Variants in NCEH1 observed in about 807,000 individuals in gnomAD.
NCEH1 encodes the protein 2-acetyl MAGE hydrolase.
In NCEH1, 9 loss-of-function variants were observed where a neutral mutation model predicts 25.4. That is an observed-to-expected ratio of 0.35 (90% CI 0.21 to 0.62). The LOEUF (loss-of-function observed/expected upper bound fraction) is 0.62. Ranked by LOEUF, NCEH1 falls within the 20% of genes least tolerant of loss-of-function variation. NCEH1 has a pLI of 0.72. For missense variants in NCEH1, 412 were observed against 501.1 expected (o/e 0.82, Z 1.70); for synonymous variants, 200 against 199.8 (o/e 1.00, Z -0.01).
intron 1 of NCEH1, among the ~76,000 whole-genome samples, chr3:172,681,650 G>A (rs1306993256): frequency 6.6e-6 from 1 of 151,398 alleles, no homozygotes; most frequent in African/African-American, 2.4e-5. Context: ...AACACTGTGG[G>A]AGGCCAAGGC....
chr3:172,657,456 C>A (rs1385796474), intron 1 of NCEH1, among the ~76,000 whole-genome samples: 5 of 152,118 alleles, frequency 3.3e-5, no homozygotes, highest in African/African-American at 1.2e-4. Flanking sequence ...ACATGATTTC[C>A]AATCACCTCA....
chr3:172,694,826 G>C (rs1214700148), intron 1 of NCEH1, among the ~76,000 whole-genome samples: 1 of 152,178 alleles, frequency 6.6e-6, no homozygotes, highest in Non-Finnish European at 1.5e-5. Flanking sequence ...CTTCTTGGCA[G>C]CTCTAACACT....
intron 1 of NCEH1, among the ~76,000 whole-genome samples, chr3:172,663,087 T>C (rs1005047518): frequency 4.6e-5 from 7 of 152,358 alleles, no homozygotes; most frequent in African/African-American, 1.7e-4. Flanking sequence ...CTGCTTTCTC[T>C]TGTGGGCATT....
intron 1 of NCEH1, among the ~76,000 whole-genome samples, chr3:172,675,313 A>AT (rs200007541): frequency 0.078 from 11,603 of 147,918 alleles, 547 homozygotes; most frequent in African/African-American, 0.095. Context: ...AAATAAATAA[A>AT]TAAATAAATA....
intron 1 of NCEH1, among the ~76,000 whole-genome samples, chr3:172,709,989 C>T (rs1413760739): frequency 1.3e-5 from 2 of 152,090 alleles, no homozygotes; most frequent in African/African-American, 2.4e-5. Context: ...TTCTCTGACA[C>T]TAAAAATAAT....
At chr3:172,671,069 T>C (rs1447489844) in intron 1 of NCEH1, among the ~76,000 whole-genome samples, 1 of 152,108 alleles carries the variant, frequency 6.6e-6, no homozygotes, top group Non-Finnish European at 1.5e-5. Flanking sequence ...CTTTGTCCAG[T>C]GGCAACATGA....
At chr3:172,680,411 A>C (rs564507627) in intron 1 of NCEH1, among the ~76,000 whole-genome samples, 27 of 151,180 alleles carry the variant, frequency 1.8e-4, no homozygotes, top group African/African-American at 6.6e-4. Flanking sequence ...CCTACTACTC[A>C]CTTCTGGACA....
Position 172,640,865 on chromosome 3 carries a change from C to T in NCEH1, c.437+4758G>A, listed in dbSNP as rs1336215036. Among the ~76,000 whole-genome samples the T allele has an allele frequency of 9.5e-4, 145 of 152,088 alleles. 6 individuals are homozygous for T. Among genetic ancestry groups the T allele is most frequent in the Admixed American group, 9.4e-3 (144 of 15,268 alleles). On this transcript the variant is annotated intron_variant, in intron 3 of 4. Coordinates refer to ENST00000475381, the MANE Select transcript of NCEH1 (RefSeq NM_020792.6). The stretch of plus-strand genomic sequence containing the variant: ...CACCCAGGCTTGAGTGCAGTGACAC[C>T]ATCATAACTCACTGCAGCCTCAAAT...
intron 3 of NCEH1, among the ~76,000 whole-genome samples, chr3:172,637,979 G>A (rs934424568): frequency 6.6e-6 from 1 of 152,124 alleles, no homozygotes; most frequent in African/African-American, 2.4e-5. Context: ...CCCAGGAAGT[G>A]GAAGTTGCAG....
In NCEH1 at chr3:172,656,980, T is replaced by A. The variant is rs568109292; in HGVS notation, c.139-8866A>T. On this transcript the variant is annotated intron_variant, in intron 1 of 4. Coordinates refer to ENST00000475381, the MANE Select transcript of NCEH1 (RefSeq NM_020792.6). ...AAACTTTCTTCCCTCTTCTCCAGTT[T>A]CTTGTTTTTCTTGCCACACTAACAG... Among the ~76,000 whole-genome samples the A allele has an allele frequency of 1.8e-4, 28 of 152,288 alleles. No homozygotes were observed. The South Asian group carries it at 5.0e-3, about 27-fold the overall frequency.
intron 1 of NCEH1, among the ~76,000 whole-genome samples, chr3:172,686,492 T>C (rs1712702314): frequency 6.6e-6 from 1 of 152,234 alleles, no homozygotes; most frequent in Non-Finnish European, 1.5e-5. Context: ...TTCAGCTTGA[T>C]CTTACGTCCA....
chr3:172,664,145 G>C (rs113420073), intron 1 of NCEH1, among the ~76,000 whole-genome samples: 3,750 of 152,274 alleles, frequency 0.025, 161 homozygotes, highest in African/African-American at 0.085. Flanking sequence ...CTCTTGTAAG[G>C]CAGGCCTACT....
intron 1 of NCEH1, among the ~76,000 whole-genome samples, chr3:172,653,925 T>C (rs1037077148): frequency 1.5e-4 from 23 of 151,978 alleles, no homozygotes; most frequent in Admixed American, 8.5e-4. Context: ...CCCAGCTAAT[T>C]TTTGTATTTT....
Position 172,710,862 on chromosome 3 carries a change from C to A in NCEH1, c.123G>T (p.Arg41=), listed in dbSNP as rs781512258. The change falls in exon 1 of 5, where the codon CGG becomes CGT. Residue 41 remains arginine, a synonymous_variant. Coordinates refer to ENST00000475381, the MANE Select transcript of NCEH1 (RefSeq NM_020792.6). ...WKLMLLDATF[R]GAQQVSNLIH... is the part of the protein sequence containing the mutation. ...TGCACCTCACCACTTGCTGTGCACC[C>A]CGGAAAGTGGCGTCCAGCAGCATCA... 1 of 1,614,068 alleles carries A rather than the reference C, an allele frequency of 6.2e-7. No homozygotes were observed. Among genetic ancestry groups the A allele is most frequent in the Non-Finnish European group, 8.5e-7 (1 of 1,180,034 alleles).
At chr3:172,676,130 C>G (rs1458656487) in intron 1 of NCEH1, among the ~76,000 whole-genome samples, 1 of 152,150 alleles carries the variant, frequency 6.6e-6, no homozygotes, top group African/African-American at 2.4e-5. Context: ...AGGTTTGCTT[C>G]TCTTGAGGGG....
intron 3 of NCEH1, among the ~76,000 whole-genome samples, chr3:172,644,052 G>A (rs1716991398): frequency 6.6e-6 from 1 of 152,196 alleles, no homozygotes; most frequent in Admixed American, 6.5e-5. Context: ...TTCCTCAGCA[G>A]ATTTGGCTCC....
In NCEH1 at chr3:172,707,609, G is replaced by C. The variant is rs1309725113; in HGVS notation, c.138+3238C>G. ...TTTATTATTATTATTTTTTTGAGACGGAGTCTCACACTGTTGCCCAGGCTG... is the reference window on the plus strand; with the variant it reads ...TTTATTATTATTATTTTTTTGAGACCGAGTCTCACACTGTTGCCCAGGCTG... On this transcript the variant is annotated intron_variant, in intron 1 of 4. Coordinates refer to ENST00000475381, the MANE Select transcript of NCEH1 (RefSeq NM_020792.6). Among the ~76,000 whole-genome samples the C allele has an allele frequency of 3.3e-5, 5 of 151,986 alleles. No homozygotes were observed. In the South Asian group the frequency reaches 1.0e-3, roughly 32 times the overall value.
intron 1 of NCEH1, among the ~76,000 whole-genome samples, chr3:172,650,381 C>A (rs774067075): frequency 2.6e-5 from 4 of 151,750 alleles, no homozygotes; most frequent in African/African-American, 9.7e-5. Flanking sequence ...CGGTGGCTCA[C>A]GCCTGTAATC....
chr3:172,663,403 A>C (rs531641631), intron 1 of NCEH1, among the ~76,000 whole-genome samples: 18 of 152,320 alleles, frequency 1.2e-4, no homozygotes, highest in African/African-American at 4.3e-4. Flanking sequence ...TTTTGGAATG[A>C]GTGCAATGTG....
Sources: gnomAD v4.1 joint callset for allele counts (sites outside exome capture counted in the v4.1 genomes callset) on GRCh38, gnomAD v4.1.1 for gene constraint, MANE v1.5 for transcripts, NCBI Gene and HGNC (gene_info 2026-07-23, HGNC 2026-07-21) for gene names.